The following PCNT variants were observed in gnomAD, a reference collection of about 807,000 sequenced individuals.
PCNT encodes kendrin.
A neutral mutation model predicts 380.4 loss-of-function variants in PCNT; 319 were observed. That is an observed-to-expected ratio of 0.84 (90% CI 0.77 to 0.92). PCNT has a LOEUF of 0.92. PCNT is among the 40% of genes least tolerant of loss of function. The pLI is 0.00. For synonymous variants in PCNT, 1,845 were observed against 1,735.2 expected (o/e 1.06, Z -1.57); for missense variants, 4,400 against 4,255.3 (o/e 1.03, Z -0.95).
intron 16 of PCNT, among the ~76,000 whole-genome samples, chr21:46,382,590 G>T (rs1371339025): frequency 8.4e-5 from 12 of 143,082 alleles, no homozygotes; most frequent in African/African-American, 3.2e-4. Flanking sequence ...AGTGGCGGAA[G>T]CGCATTCACG....
chr21:46,416,301 CAT>C lies in PCNT; in HGVS notation c.6384_6385del (p.Cys2129Ter), dbSNP rs2147771579. The C allele has an allele frequency of 1.2e-6, 2 of 1,613,970 alleles. No homozygotes were observed. Among genetic ancestry groups the C allele is most frequent in the Non-Finnish European group, 1.7e-6 (2 of 1,179,888 alleles). On this transcript the variant is annotated frameshift_variant, in exon 30 of 47. Transcript: ENST00000359568. LOFTEE classifies it high-confidence loss of function. The stretch of plus-strand genomic sequence containing the variant: ...CCTGACATATCACCCCACATAGACA[CAT>C]GTGATGCCAATACAGCCACGGGGGG...
rs143776463 is a variant in PCNT at position 46,441,055 on chromosome 21, G to C, written c.9594G>C (p.Thr3198=). ...CTCGTCCTTTCACCAGGTTCCGCAC[G>C]GCCGTCAGGGTGGTCATTGCAATAT... ...ITSRPFTRFR[T]AVRVVIAILR... is the part of the protein sequence containing the mutation. Residue 3198 remains threonine, a synonymous_variant, in exon 43 of 47, where the codon ACG becomes ACC. Coordinates refer to ENST00000359568, the MANE Select transcript of PCNT (RefSeq NM_006031.6). 1 of 1,613,676 alleles carries C rather than the reference G, an allele frequency of 6.2e-7. No individual in the cohort carries two copies. The highest frequency in any genetic ancestry group is 8.5e-7 in the Non-Finnish European group (1 of 1,179,576).
chr21:46,416,829 G>GGAC lies in PCNT; in HGVS notation c.6913_6915dup (p.Thr2305dup). On this transcript the variant is annotated inframe_insertion, in exon 30 of 47. Coordinates refer to ENST00000359568, the MANE Select transcript of PCNT (RefSeq NM_006031.6). Reference sequence around the variant, plus strand: ...CCGGCTGACGACCACCATGTGCAGAGGACGGCTGTGGTAGGTGCCTGCTCT... The same window carrying GGAC: ...CCGGCTGACGACCACCATGTGCAGAGGACGACGGCTGTGGTAGGTGCCTGCTCT... 6.3e-7 allele frequency: 1 copy of GGAC among 1,597,878 alleles called. No individual in the cohort carries two copies. Among genetic ancestry groups the GGAC allele is most frequent in the South Asian group, 1.1e-5 (1 of 91,014 alleles).
In PCNT at chr21:46,411,782, C is replaced by G. The variant is rs774766182; in HGVS notation, c.5709C>G (p.Arg1903=). Residue 1903 remains arginine, a synonymous_variant, in exon 28 of 47, where the codon CGC becomes CGG. Transcript: ENST00000359568. The part of the protein sequence containing the change: ...AVLLALARIR[R]ALEQQPLAAG... ...TGTTGGCCTTGGCCCGCATCCGCCGCGCCCTGGAGCAGCAGCCCCTGGCAG... is the reference window on the plus strand; with the variant it reads ...TGTTGGCCTTGGCCCGCATCCGCCGGGCCCTGGAGCAGCAGCCCCTGGCAG... 1.9e-6 allele frequency: 3 copies of G among 1,602,924 alleles called. No homozygotes were observed. Among genetic ancestry groups the G allele is most frequent in the Non-Finnish European group, 2.5e-6 (3 of 1,177,264 alleles).
intron 21 of PCNT, among the ~76,000 whole-genome samples, chr21:46,392,853 C>T (rs1337600288): frequency 6.6e-6 from 1 of 152,194 alleles, no homozygotes; most frequent in Non-Finnish European, 1.5e-5. Context: ...AAGGATTAGC[C>T]TGGTGTTTTT....
chr21:46,412,953 G>C lies in PCNT; in HGVS notation c.6111G>C (p.Val2037=). The C allele has an allele frequency of 6.2e-7, 1 of 1,611,340 alleles. No individual in the cohort carries two copies. The highest frequency in any genetic ancestry group is 2.2e-5 in the East Asian group (1 of 44,882). ...QRQLQSELLL[V]KNEMRLSLED... ...AGCTGCAGTCGGAGCTGCTCTTGGT[G>C]AAAAATGAAATGCGCCTGAGTCTGG... Residue 2037 remains valine, a synonymous_variant, in exon 29 of 47, where the codon GTG becomes GTC. Transcript: ENST00000359568.
rs1485216452 is a variant in PCNT at position 46,422,098 on chromosome 21, A to T, written c.7153A>T (p.Lys2385Ter). Reference sequence around the variant, plus strand: ...GCCGCTGCCGGAAGCCATGAAGGAGAAGGAAGTGCGTCCGAAGCACGTGAA... The same window carrying T: ...GCCGCTGCCGGAAGCCATGAAGGAGTAGGAAGTGCGTCCGAAGCACGTGAA... ...FQPLPEAMKE[K>*]EVRPKHVKAL... The change falls in exon 32 of 47, where the codon AAG becomes TAG. Residue 2385 changes from lysine to a stop codon, truncating the protein, a stop_gained. Coordinates refer to ENST00000359568, the MANE Select transcript of PCNT (RefSeq NM_006031.6). LOFTEE classifies it high-confidence loss of function. The T allele has an allele frequency of 6.2e-7, 1 of 1,613,894 alleles. No individual in the cohort carries two copies.
intron 2 of PCNT, among the ~76,000 whole-genome samples, chr21:46,328,607 C>T (rs901117842): frequency 6.7e-6 from 1 of 149,026 alleles, no homozygotes; most frequent in Non-Finnish European, 1.5e-5. Context: ...ATTGCAGGCG[C>T]CTGCCACCAA....
In PCNT at chr21:46,411,400, T is replaced by C. The variant is rs778688027; in HGVS notation, c.5327T>C (p.Leu1776Pro). The C allele has an allele frequency of 6.2e-6, 10 of 1,613,602 alleles. No individual in the cohort carries two copies. Residue 1776 changes from leucine (L) to proline (P), a missense_variant, in exon 28 of 47, where the codon CTC becomes CCC. Coordinates refer to ENST00000359568, the MANE Select transcript of PCNT (RefSeq NM_006031.6). Reference protein sequence around the residue: ...SQAGSLQSELLCSQAGGPRGQ... With the variant: ...SQAGSLQSELPCSQAGGPRGQ... ...GCTGGCAGTCTGCAGAGCGAGCTGC[T>C]CTGCTCCCAGGCCGGGGGCCCTCGT... is the stretch of plus-strand genomic sequence containing the variant.
chr21:46,442,810 G>A, intron 44 of PCNT: 1 of 587,556 alleles, frequency 1.7e-6, no homozygotes. Flanking sequence ...GGGAAACACT[G>A]AGATGCTCAA....
At chr21:46,328,933 C>T (rs1158471590) in intron 2 of PCNT, among the ~76,000 whole-genome samples, 1 of 152,076 alleles carries the variant, frequency 6.6e-6, no homozygotes, top group Admixed American at 6.5e-5. Context: ...ACCACCATGG[C>T]CGGCTAATTT....
chr21:46,334,252 A>C, intron 2 of PCNT, 145 bp from the exon 3 acceptor site: 2 of 1,028,310 alleles, frequency 1.9e-6, no homozygotes, highest in Non-Finnish European at 3.0e-6. Flanking sequence ...TTAATGCGGA[A>C]GGTGCACGTT....
At chr21:46,368,632 G>A (rs769288535) in intron 15 of PCNT, among the ~76,000 whole-genome samples, 6 of 152,246 alleles carry the variant, frequency 3.9e-5, no homozygotes, top group Admixed American at 6.5e-5. Flanking sequence ...TCTGCCCTCA[G>A]TGAGGTCTCT....
intron 15 of PCNT, among the ~76,000 whole-genome samples, chr21:46,375,069 C>T (rs542026975): frequency 2.0e-5 from 3 of 152,204 alleles, no homozygotes; most frequent in African/African-American, 7.2e-5. Context: ...TCCGGGATAC[C>T]GCCCTTGAGA....
intron 17 of PCNT, among the ~76,000 whole-genome samples, chr21:46,386,299 T>C (rs2085832981): frequency 1.3e-5 from 2 of 152,194 alleles, no homozygotes; most frequent in South Asian, 2.1e-4. Context: ...TCCCCTTTAG[T>C]GTCTGCGTCC....
chr21:46,365,366 T>TATTCACTGCCGTGGGGTTCC (rs2084868999), intron 14 of PCNT, among the ~76,000 whole-genome samples: 2 of 140,622 alleles, frequency 1.4e-5, no homozygotes, highest in Admixed American at 7.0e-5. Flanking sequence ...CGTGGGGTTC[T>TATTCACTGCCGTGGGGTTCC]GATCACTGCC....
At chr21:46,324,625 G>T (rs1241849731) in intron 1 of PCNT, among the ~76,000 whole-genome samples, 1 of 151,198 alleles carries the variant, frequency 6.6e-6, no homozygotes, top group South Asian at 2.1e-4. Flanking sequence ...CTGCAGGGCG[G>T]GGCTACAGGG....
intron 1 of PCNT, among the ~76,000 whole-genome samples, chr21:46,325,829 C>G (rs1381708169): frequency 6.6e-6 from 1 of 152,136 alleles, no homozygotes; most frequent in Admixed American, 6.5e-5. Flanking sequence ...TGTGGATGTC[C>G]CTGGTGCTTT....
chr21:46,394,116 T>A (rs1469579917), intron 21 of PCNT, among the ~76,000 whole-genome samples: 6 of 152,236 alleles, frequency 3.9e-5, no homozygotes, highest in African/African-American at 7.2e-5. Context: ...ACCCTGGCTC[T>A]GCGGTTGTGT....
Sources: gnomAD v4.1 joint callset for allele counts (sites outside exome capture counted in the v4.1 genomes callset) on GRCh38, gnomAD v4.1.1 for gene constraint, MANE v1.5 for transcripts, NCBI Gene and HGNC (gene_info 2026-07-23, HGNC 2026-07-21) for gene names.